MMP8: variants seen among roughly 807,000 people sequenced by gnomAD.
MMP8 encodes neutrophil collagenase.
In MMP8, 67 loss-of-function variants were observed where a neutral mutation model predicts 51.2. That is an observed-to-expected ratio of 1.31 (90% CI 1.08 to 1.60). The LOEUF (loss-of-function observed/expected upper bound fraction) is 1.60. MMP8 is among the 40% of genes most tolerant of loss of function. The pLI is 0.00. For synonymous variants in MMP8, 225 were observed against 191.0 expected (o/e 1.18, Z -1.47); for missense variants, 654 against 558.1 (o/e 1.17, Z -1.73).
intron 8 of MMP8, 100 bp from the exon 9 acceptor site, chr11:102,713,957 T>A: frequency 1.4e-6 from 1 of 717,846 alleles, no homozygotes; most frequent in South Asian, 2.1e-5. Context: ...CTCACACATA[T>A]TTTTTCATTC....
At position 102,716,313 on chromosome 11, in the gene MMP8, GA is replaced by G. The variant is rs750115737; in HGVS notation, c.890del (p.Phe297SerfsTer19). ...AITTLRGEIL[F>X]FKDRYFWRRH... Reference sequence around the variant, plus strand: ...TTTCAATTTTATACCTGTCTTTAAAGAAAAGTATTTCTCCACGGAGTGTGGT... The same window carrying G: ...TTTCAATTTTATACCTGTCTTTAAAGAAAGTATTTCTCCACGGAGTGTGGT... On this transcript the variant is annotated frameshift_variant, in exon 6 of 10. Coordinates refer to ENST00000236826, the MANE Select transcript of MMP8 (RefSeq NM_002424.3). LOFTEE classifies it high-confidence loss of function. The G allele has an allele frequency of 3.2e-6, 5 of 1,540,132 alleles. No homozygotes were observed. The highest frequency in any genetic ancestry group is 4.4e-6 in the Non-Finnish European group (5 of 1,134,476).
chr11:102,724,592 T>C (rs1300329795), intron 1 of MMP8, among the ~76,000 whole-genome samples, 162 bp downstream of exon 1: 2 of 152,224 alleles, frequency 1.3e-5, no homozygotes, highest in African/African-American at 2.4e-5. Context: ...GCCTAGTCCT[T>C]ACCAGCTTGG....
intron 6 of MMP8, 55 bp downstream of exon 6, chr11:102,716,247 G>T: frequency 1.6e-6 from 2 of 1,262,796 alleles, no homozygotes; most frequent in South Asian, 1.3e-5. Flanking sequence ...TTTGAATCCA[G>T]TTTTAAGGTA....
At position 102,716,423 on chromosome 11, in the gene MMP8, GAAAAA is replaced by G. The variant is rs751481811; in HGVS notation, c.785-9_785-5del. 6.0e-3 allele frequency: 2,342 copies of G among 393,036 alleles called. No individual in the cohort carries two copies. Among genetic ancestry groups the G allele is most frequent in the East Asian group, 0.017 (324 of 18,570 alleles). 24.3% of individuals were successfully genotyped at this position (393,036 alleles called of 1,614,324 possible). A position where few individuals can be genotyped will look rare whatever the true frequency, so the allele number is the denominator to read the frequency against. ...TGGATAGGGTTGCTTGAAAGTCCTG[GAAAAA>G]AAAAAAAAAAAAAAAAAAAGGTCTT... On this transcript the variant is annotated splice_region_variant and splice_polypyrimidine_tract_variant and intron_variant, in intron 5 of 9. Transcript: ENST00000236826.
chr11:102,713,676 G>A, intron 9 of MMP8, 78 bp downstream of exon 9: 1 of 1,264,452 alleles, frequency 7.9e-7, no homozygotes, highest in Non-Finnish European at 1.1e-6. Context: ...CACTAACCTG[G>A]TCAGCATAGT....
Position 102,713,349 on chromosome 11 carries a change from C to A in MMP8, c.1403G>T (p.Ter468LeuextTer34), listed in dbSNP as rs769815385. 31 of 1,606,786 alleles carry A rather than the reference C, an allele frequency of 1.9e-5. No individual in the cohort carries two copies. Among genetic ancestry groups the A allele is most frequent in the Non-Finnish European group, 2.6e-5 (31 of 1,173,848 alleles). The change falls in exon 10 of 10, where the codon TGA becomes TTA. Residue 468 changes from the stop codon to leucine (L), a stop_lost. Coordinates refer to ENST00000236826, the MANE Select transcript of MMP8 (RefSeq NM_002424.3). ...GNKWLNCRYG[*>L] Reference sequence around the variant, plus strand: ...GATACAGCCACATTTGATTTTGCTTCAGCCATATCTACAGTTAAGCCATTT... The same window carrying A: ...GATACAGCCACATTTGATTTTGCTTAAGCCATATCTACAGTTAAGCCATTT...
rs1226528810 is a variant in MMP8, at chr11:102,712,482, G to T, written c.*866C>A. The T allele has an allele frequency of 6.6e-6, 1 of 152,226 alleles. No individual in the cohort carries two copies. Among genetic ancestry groups the T allele is most frequent in the African/African-American group, 2.4e-5 (1 of 41,444 alleles). The allele number at this position is 152,226 out of a possible 1,614,324, so 9.4% of individuals were successfully genotyped here. On this transcript the variant is annotated 3_prime_UTR_variant, in exon 10 of 10. Coordinates refer to ENST00000236826, the MANE Select transcript of MMP8 (RefSeq NM_002424.3). ...GGAAATTTATTCCCTCACGGTTTTGGAGGATAGAAGTCCGAATTCTGCAGG... is the reference window on the plus strand; with the variant it reads ...GGAAATTTATTCCCTCACGGTTTTGTAGGATAGAAGTCCGAATTCTGCAGG...
At chr11:102,720,907 A>G (rs1861448885) in intron 4 of MMP8, among the ~76,000 whole-genome samples, 1 of 152,232 alleles carries the variant, frequency 6.6e-6, no homozygotes, top group African/African-American at 2.4e-5. Flanking sequence ...AAAAATGGAA[A>G]AATAGGCTCT....
At chr11:102,717,890 C>A (rs899799237) in intron 5 of MMP8, among the ~76,000 whole-genome samples, 1 of 152,114 alleles carries the variant, frequency 6.6e-6, no homozygotes, top group Non-Finnish European at 1.5e-5. Context: ...GCAGATCACT[C>A]GAGGTCAGGA....
Position 102,713,789 on chromosome 11 carries a change from A to G in MMP8, c.1259T>C (p.Ile420Thr). Reference protein sequence around the residue: ...PKSISGAFPGIESKVDAVFQQ... With the variant: ...PKSISGAFPGTESKVDAVFQQ... ...GAAAACTGCATCAACTTTACTCTCT[A>G]TTCCTGGAAAGGCACCTGATATGCT... Residue 420 changes from isoleucine (I) to threonine (T), a missense_variant, in exon 9 of 10, where the codon ATA becomes ACA. Transcript: ENST00000236826. 6.2e-7 allele frequency: 1 copy of G among 1,611,876 alleles called. No individual in the cohort carries two copies.
In MMP8 at chr11:102,716,293, A is replaced by G; in HGVS notation, c.902+9T>C. 6.4e-7 allele frequency: 1 copy of G among 1,553,826 alleles called. No individual in the cohort carries two copies. Among genetic ancestry groups the G allele is most frequent in the Non-Finnish European group, 8.8e-7 (1 of 1,133,636 alleles). Reference sequence around the variant, plus strand: ...AGGAATCAAAGGAAGAAATATTTCAATTTTATACCTGTCTTTAAAGAAAAG... The same window carrying G: ...AGGAATCAAAGGAAGAAATATTTCAGTTTTATACCTGTCTTTAAAGAAAAG... On this transcript the variant is annotated intron_variant, in intron 6 of 9. Coordinates refer to ENST00000236826, the MANE Select transcript of MMP8 (RefSeq NM_002424.3).
At position 102,713,796 on chromosome 11, in the gene MMP8, G is replaced by A. The variant is rs1291261961; in HGVS notation, c.1252C>T (p.Pro418Ser). ...GCATCAACTTTACTCTCTATTCCTG[G>A]AAAGGCACCTGATATGCTTTTGGGA... ...GYPKSISGAF[P>S]GIESKVDAVF... is the part of the protein sequence containing the mutation. The change falls in exon 9 of 10, where the codon CCA becomes TCA. Residue 418 changes from proline to serine, a missense_variant. Transcript: ENST00000236826. 1.2e-6 allele frequency: 2 copies of A among 1,611,908 alleles called. No homozygotes were observed. Among genetic ancestry groups the A allele is most frequent in the South Asian group, 1.1e-5 (1 of 90,486 alleles).
chr11:102,718,267 C>T (rs1353221777), intron 5 of MMP8, 147 bp downstream of exon 5: 2 of 874,394 alleles, frequency 2.3e-6, no homozygotes, highest in Admixed American at 2.8e-5. Flanking sequence ...CTCACACCTT[C>T]TTTGTTAATG....
chr11:102,723,366 A>G (rs1861530593), intron 1 of MMP8: 1 of 366,888 alleles, frequency 2.7e-6, no homozygotes, highest in African/African-American at 2.1e-5. Context: ...ACTAGACCTC[A>G]TGCTGCCTGT....
chr11:102,716,368 C>G lies in MMP8; in HGVS notation c.836G>C (p.Cys279Ser). Residue 279 changes from cysteine to serine, a missense_variant, in exon 6 of 10, where the codon TGT (cysteine) becomes TCT (serine). By Grantham distance (112) the Cys-to-Ser change is moderately radical (BLOSUM62 -1). Transcript: ENST00000236826. ...AGCATCAAATGTCAAACTGGGGTCACAGGGTTTGGGTGTGCTTGGTCCAGT... is the reference window on the plus strand; with the variant it reads ...AGCATCAAATGTCAAACTGGGGTCAGAGGGTTTGGGTGTGCTTGGTCCAGT... ...QPTGPSTPKPCDPSLTFDAIT... is the reference protein window; with the variant it reads ...QPTGPSTPKPSDPSLTFDAIT... 1.3e-6 allele frequency: 2 copies of G among 1,563,572 alleles called. No homozygotes were observed. The highest frequency in any genetic ancestry group is 1.7e-6 in the Non-Finnish European group (2 of 1,156,576).
At chr11:102,715,672 T>G (rs1443654533) in intron 6 of MMP8, among the ~76,000 whole-genome samples, 4 of 152,240 alleles carry the variant, frequency 2.6e-5, no homozygotes, top group Non-Finnish European at 5.9e-5. Context: ...TGATCTTATT[T>G]GATTACATTT....
chr11:102,716,331 G>T lies in MMP8; in HGVS notation c.873C>A (p.Leu291=), dbSNP rs3740938. Reference sequence around the variant, plus strand: ...CTTTAAAGAAAAGTATTTCTCCACGGAGTGTGGTGATAGCATCAAATGTCA... The same window carrying T: ...CTTTAAAGAAAAGTATTTCTCCACGTAGTGTGGTGATAGCATCAAATGTCA... ...PSLTFDAITT[L]RGEILFFKDR... The change falls in exon 6 of 10, where the codon CTC becomes CTA. Residue 291 remains leucine, a synonymous_variant. Coordinates refer to ENST00000236826, the MANE Select transcript of MMP8 (RefSeq NM_002424.3). 6.2e-7 allele frequency: 1 copy of T among 1,600,836 alleles called. No individual in the cohort carries two copies. The highest frequency in any genetic ancestry group is 1.7e-5 in the Admixed American group (1 of 59,296).
rs1406220666 is a variant in MMP8 at position 102,713,386 on chromosome 11, C to T, written c.1366G>A (p.Ala456Thr). The T allele has an allele frequency of 1.2e-6, 2 of 1,613,634 alleles. No homozygotes were observed. The highest frequency in any genetic ancestry group is 1.1e-5 in the South Asian group (1 of 91,074). Reference sequence around the variant, plus strand: ...CAGTTAAGCCATTTATTGCCTCTTGCAACTCTGGTAACTCTCTGAGCAATA... The same window carrying T: ...CAGTTAAGCCATTTATTGCCTCTTGTAACTCTGGTAACTCTCTGAGCAATA... ...DLIAQRVTRV[A>T]RGNKWLNCRY... Residue 456 changes from alanine to threonine, a missense_variant, in exon 10 of 10, where the codon GCA (alanine) becomes ACA (threonine). Ala to Thr is a moderately conservative substitution (Grantham distance 58). Transcript: ENST00000236826.
In MMP8 at chr11:102,721,687, A is replaced by G; in HGVS notation, c.423T>C (p.Ser141=). 1.2e-6 allele frequency: 2 copies of G among 1,613,860 alleles called. No homozygotes were observed. Among genetic ancestry groups the G allele is most frequent in the Non-Finnish European group, 1.7e-6 (2 of 1,179,864 alleles). ...TGGTGAAGATGAGAGGTGATGCAAC[A>G]CTCCAGAGTTCAAAGGCATCCTTGA... ...RAIKDAFELW[S]VASPLIFTRI... The change falls in exon 3 of 10, where the codon AGT becomes AGC. Residue 141 remains serine (S), a synonymous_variant. Transcript: ENST00000236826.
Sources: gnomAD v4.1 joint callset for allele counts (sites outside exome capture counted in the v4.1 genomes callset) on GRCh38, gnomAD v4.1.1 for gene constraint, MANE v1.5 for transcripts, NCBI Gene and HGNC (gene_info 2026-07-23, HGNC 2026-07-21) for gene names.